Variants in CNTN4 observed in about 807,000 individuals in gnomAD.
CNTN4 encodes contactin 4, also known as contactin-4.
In CNTN4, 77 loss-of-function variants were observed where a neutral mutation model predicts 122.5. That is an observed-to-expected ratio of 0.63 (90% CI 0.52 to 0.76). CNTN4 has a LOEUF of 0.76. Ranked by LOEUF, CNTN4 falls within the 30% of genes least tolerant of loss-of-function variation. The probability of loss-of-function intolerance (pLI) is 0.00; values close to 1 mark genes in which losing one functional copy is unlikely to be tolerated. For missense variants in CNTN4, 1,256 were observed against 1,259.1 expected (o/e 1.00, Z 0.04); for synonymous variants, 512 against 447.0 (o/e 1.15, Z -1.83).
intron 4 of CNTN4, among the ~76,000 whole-genome samples, chr3:2,627,577 T>TC (rs780587973): frequency 1.2e-4 from 17 of 145,554 alleles, no homozygotes; most frequent in Non-Finnish European, 1.9e-4. Context: ...CACTGCAAGC[T>TC]CCGCCTCCTG....
chr3:2,265,874 C>T (rs976190547), intron 2 of CNTN4, among the ~76,000 whole-genome samples: 2 of 151,708 alleles, frequency 1.3e-5, no homozygotes, highest in African/African-American at 4.8e-5. Context: ...AGGTTGATCT[C>T]TGCTAGTGTA....
intron 6 of CNTN4, among the ~76,000 whole-genome samples, chr3:2,762,898 G>GTTTTGAT (rs906818991): frequency 7.0e-6 from 1 of 142,712 alleles, no homozygotes; most frequent in Non-Finnish European, 1.5e-5. Flanking sequence ...TCTCATTGTG[G>GTTTTGAT]TTTTGATTTG....
At chr3:2,772,365 G>T (rs1355790267) in intron 6 of CNTN4, among the ~76,000 whole-genome samples, 2 of 133,450 alleles carry the variant, frequency 1.5e-5, no homozygotes, top group East Asian at 4.6e-4. Flanking sequence ...TGGTGAAATC[G>T]TCAAGGTTCG....
At chr3:2,762,867 T>A (rs188752581) in intron 6 of CNTN4, among the ~76,000 whole-genome samples, 1 of 152,108 alleles carries the variant, frequency 6.6e-6, no homozygotes, top group Admixed American at 6.5e-5. Context: ...ATATGGCCAT[T>A]CTGACTGGTG....
intron 2 of CNTN4, among the ~76,000 whole-genome samples, chr3:2,206,836 C>T (rs865935125): frequency 1.3e-5 from 2 of 149,222 alleles, no homozygotes; most frequent in African/African-American, 4.9e-5. Flanking sequence ...AGGGATACCT[C>T]ATCCGATTGC....
intron 2 of CNTN4, among the ~76,000 whole-genome samples, chr3:2,336,119 A>G (rs1559464362): frequency 6.6e-6 from 1 of 152,130 alleles, no homozygotes; most frequent in Non-Finnish European, 1.5e-5. Flanking sequence ...GGAGCACAAG[A>G]TCCATTACGG....
At chr3:2,585,217 A>G (rs1400760999) in intron 4 of CNTN4, among the ~76,000 whole-genome samples, 1 of 152,130 alleles carries the variant, frequency 6.6e-6, no homozygotes, top group Non-Finnish European at 1.5e-5. Flanking sequence ...GTGGAGAAAT[A>G]GAAACACTTT....
intron 2 of CNTN4, among the ~76,000 whole-genome samples, chr3:2,140,120 C>T (rs992736778): frequency 1.3e-5 from 2 of 152,184 alleles, no homozygotes; most frequent in African/African-American, 4.8e-5. Context: ...TCTCCTTTGC[C>T]TTCCACCATG....
intron 4 of CNTN4, among the ~76,000 whole-genome samples, chr3:2,578,126 C>T (rs2079777009): frequency 6.6e-6 from 1 of 152,074 alleles, no homozygotes; most frequent in South Asian, 2.1e-4. Flanking sequence ...CAGGATGTAG[C>T]TTGAATCTAT....
chr3:2,828,679 T>A (rs1397653097), intron 7 of CNTN4, among the ~76,000 whole-genome samples: 1 of 152,196 alleles, frequency 6.6e-6, no homozygotes, highest in African/African-American at 2.4e-5. Flanking sequence ...TAGTTAGTGA[T>A]AGGTTAATCA....
At chr3:2,589,171 A>G (rs2080343626) in intron 4 of CNTN4, among the ~76,000 whole-genome samples, 1 of 152,158 alleles carries the variant, frequency 6.6e-6, no homozygotes, top group Non-Finnish European at 1.5e-5. Flanking sequence ...ATAGAAAGTT[A>G]TTGTGACTGG....
chr3:2,194,246 T>C (rs1316734196), intron 2 of CNTN4, among the ~76,000 whole-genome samples: 1 of 152,048 alleles, frequency 6.6e-6, no homozygotes, highest in Non-Finnish European at 1.5e-5. Flanking sequence ...GGAGGATCAC[T>C]TGAGCCCAGG....
rs533702570 is a variant in CNTN4 at position 2,258,668 on chromosome 3, A to C, written c.-144-80510A>C. Among the ~76,000 whole-genome samples the C allele has an allele frequency of 7.9e-5, 12 of 152,280 alleles. No individual in the cohort carries two copies. The East Asian group carries it at 1.9e-3, about 25-fold the overall frequency. On this transcript the variant is annotated intron_variant, in intron 2 of 24. Transcript: ENST00000418658. ...TGAATTGCAAATCCTGTATTCAATA[A>C]TTTCATGCATGCAGCCTATTTCTCA...
At chr3:2,653,087 G>C (rs2083437763) in intron 4 of CNTN4, among the ~76,000 whole-genome samples, 1 of 151,948 alleles carries the variant, frequency 6.6e-6, no homozygotes, top group South Asian at 2.1e-4. Context: ...TAATTTTTTT[G>C]TGTGGCTTAT....
chr3:2,842,175 G>T (rs913707891), intron 7 of CNTN4, among the ~76,000 whole-genome samples: 2 of 152,142 alleles, frequency 1.3e-5, no homozygotes, highest in Non-Finnish European at 2.9e-5. Flanking sequence ...TTTCTTTAAA[G>T]AGTGCAGGTA....
intron 2 of CNTN4, among the ~76,000 whole-genome samples, chr3:2,194,572 C>A (rs1023030522): frequency 5.3e-5 from 8 of 152,118 alleles, no homozygotes; most frequent in Non-Finnish European, 1.2e-4. Context: ...CCTCACCACC[C>A]GTCCCTCAGA....
chr3:2,691,146 C>T (rs1273268129), intron 4 of CNTN4, among the ~76,000 whole-genome samples: 2 of 152,208 alleles, frequency 1.3e-5, no homozygotes, highest in East Asian at 1.9e-4. Context: ...GGCAGTTACC[C>T]CGGCATATCT....
At chr3:2,549,422 T>A (rs2078387516) in intron 3 of CNTN4, among the ~76,000 whole-genome samples, 1 of 152,208 alleles carries the variant, frequency 6.6e-6, no homozygotes. Context: ...GGTGTTGAAT[T>A]TTATCGAGAA....
intron 2 of CNTN4, among the ~76,000 whole-genome samples, chr3:2,160,839 A>G (rs915513398): frequency 1.3e-5 from 2 of 152,162 alleles, no homozygotes; most frequent in African/African-American, 4.8e-5. Flanking sequence ...CATAAATTCA[A>G]TCAATATGTA....
Sources: allele counts gnomAD v4.1 joint callset (sites outside exome capture counted in the v4.1 genomes callset), GRCh38; gene constraint gnomAD v4.1.1; transcripts MANE v1.5; gene names NCBI Gene and HGNC (gene_info 2026-07-23, HGNC 2026-07-21).